PCLO: variants seen among roughly 807,000 people sequenced by gnomAD.
PCLO encodes protein piccolo.
Under a neutral mutation model 427.5 loss-of-function variants are expected in PCLO, and 82 were observed. That is an observed-to-expected ratio of 0.19 (90% CI 0.16 to 0.23). PCLO has a LOEUF of 0.23. PCLO is among the 10% of genes least tolerant of loss of function. The pLI is 1.00. For synonymous variants in PCLO, 2,357 were observed against 2,155.4 expected (o/e 1.09, Z -2.59); for missense variants, 6,239 against 6,115.9 (o/e 1.02, Z -0.67).
chr7:82,820,829 G>C, intron 20 of PCLO: 1 of 1,230,920 alleles, frequency 8.1e-7, no homozygotes, highest in Non-Finnish European at 1.0e-6. Flanking sequence ...TAGGTTAGTA[G>C]CATGCATTCC....
At chr7:83,079,477 A>G (rs1790040814) in intron 3 of PCLO, among the ~76,000 whole-genome samples, 1 of 151,160 alleles carries the variant, frequency 6.6e-6, no homozygotes, top group African/African-American at 2.4e-5. Context: ...GAAAAGAAAA[A>G]CTCTTCTTTC....
rs754278837 is a variant in PCLO, at chr7:82,915,983, A to C, written c.12003T>G (p.His4001Gln). 1 of 1,612,866 alleles carries C rather than the reference A, an allele frequency of 6.2e-7. No homozygotes were observed. Among genetic ancestry groups the C allele is most frequent in the South Asian group, 1.1e-5 (1 of 91,086 alleles). The change falls in exon 7 of 25, where the codon CAT becomes CAG. Residue 4001 changes from histidine to glutamine, a missense_variant. Coordinates refer to ENST00000333891, the MANE Select transcript of PCLO (RefSeq NM_033026.6). ...VSTDNTFAVS[H>Q]LGSKYNSLDL... ...CTAAACTATTGTACTTACTACCAAG[A>C]TGGGAAACAGCAAATGTGTTATCCG...
chr7:82,948,991 G>A lies in PCLO; in HGVS notation c.11112+485C>T, dbSNP rs967323922. 1.6e-4 allele frequency among the ~76,000 whole-genome samples: 24 copies of A among 152,228 alleles called. No individual in the cohort carries two copies. In the East Asian group the frequency reaches 4.6e-3, roughly 29 times the overall value. On this transcript the variant is annotated intron_variant, in intron 6 of 24. Coordinates refer to ENST00000333891, the MANE Select transcript of PCLO (RefSeq NM_033026.6). ...ATTCTGGCTGGAAGAAGAGGATACT[G>A]ACCAGATAATTTCTAAGGGCTTTCC... is the stretch of plus-strand genomic sequence containing the variant.
chr7:83,140,757 C>T (rs964322594), intron 2 of PCLO, among the ~76,000 whole-genome samples: 2 of 152,140 alleles, frequency 1.3e-5, no homozygotes, highest in Non-Finnish European at 2.9e-5. Context: ...TGAAGAGTCT[C>T]TCACAATTAC....
At chr7:83,153,104 T>C (rs1034416895) in intron 2 of PCLO, among the ~76,000 whole-genome samples, 2 of 151,684 alleles carry the variant, frequency 1.3e-5, no homozygotes, top group African/African-American at 4.8e-5. Context: ...TTCACATTCC[T>C]ATAAGGAGAG....
chr7:83,151,403 T>G (rs867213412), intron 2 of PCLO, among the ~76,000 whole-genome samples: 1 of 147,916 alleles, frequency 6.8e-6, no homozygotes, highest in Non-Finnish European at 1.5e-5. Flanking sequence ...AAGCACTTCA[T>G]GTATCTAAAA....
At position 82,956,638 on chromosome 7, in the gene PCLO, G is replaced by T; in HGVS notation, c.4315C>A (p.His1439Asn). The T allele has an allele frequency of 6.2e-7, 1 of 1,613,818 alleles. No homozygotes were observed. The highest frequency in any genetic ancestry group is 2.2e-5 in the East Asian group (1 of 44,844). ...TTAGGCTGTTCAGGAGAAACTTCAT[G>T]GGGTTGTGTTTTCTTTTCTGACTTT... ...DEKSEKKTQP[H>N]EVSPEQPKDQ... Residue 1439 changes from histidine to asparagine, a missense_variant, in exon 5 of 25, where the codon CAT becomes AAT. His to Asn is a moderately conservative substitution (Grantham distance 68). Transcript: ENST00000333891.
At chr7:83,079,340 G>A (rs1790036657) in intron 3 of PCLO, among the ~76,000 whole-genome samples, 1 of 151,746 alleles carries the variant, frequency 6.6e-6, no homozygotes, top group African/African-American at 2.4e-5. Context: ...TTCTAAACCG[G>A]GTCAACTGAA....
chr7:83,086,283 G>C (rs1414405487), intron 3 of PCLO, among the ~76,000 whole-genome samples: 2 of 151,928 alleles, frequency 1.3e-5, no homozygotes, highest in African/African-American at 4.8e-5. Context: ...GCTAATTTTT[G>C]TATTTTTAGT....
At chr7:82,828,193 A>C (rs1434556180) in intron 16 of PCLO, among the ~76,000 whole-genome samples, 1 of 151,808 alleles carries the variant, frequency 6.6e-6, no homozygotes, top group African/African-American at 2.4e-5. Context: ...TTTTTTTTTA[A>C]AGAAATGCTT....
chr7:83,133,620 G>A (rs963362431), intron 3 of PCLO, among the ~76,000 whole-genome samples: 1 of 151,874 alleles, frequency 6.6e-6, no homozygotes, highest in Non-Finnish European at 1.5e-5. Flanking sequence ...TCCTAGTAAA[G>A]TGCCATATCA....
intron 9 of PCLO, among the ~76,000 whole-genome samples, chr7:82,893,479 G>A (rs995952645): frequency 8.6e-5 from 13 of 151,862 alleles, no homozygotes; most frequent in African/African-American, 2.7e-4. Flanking sequence ...TGTTAATGAC[G>A]AGTTAATGGG....
intron 6 of PCLO, among the ~76,000 whole-genome samples, chr7:82,941,697 G>T (rs1338175071): frequency 6.6e-6 from 1 of 152,114 alleles, no homozygotes; most frequent in Admixed American, 6.5e-5. Flanking sequence ...AATATTAAAT[G>T]TTAAGAAAGT....
intron 10 of PCLO, among the ~76,000 whole-genome samples, chr7:82,856,841 G>T (rs561358087): frequency 4.6e-5 from 7 of 152,180 alleles, no homozygotes; most frequent in African/African-American, 1.7e-4. Context: ...CAATGTTATG[G>T]TATTGGGGGG....
intron 8 of PCLO, among the ~76,000 whole-genome samples, chr7:82,905,984 C>T (rs1033910821): frequency 9.3e-5 from 14 of 150,490 alleles, no homozygotes; most frequent in African/African-American, 2.4e-4. Context: ...GAATTTCTAC[C>T]GAAGAAGGCA....
chr7:82,838,846 C>G (rs1040338177), intron 14 of PCLO, among the ~76,000 whole-genome samples: 1 of 151,874 alleles, frequency 6.6e-6, no homozygotes, highest in Non-Finnish European at 1.5e-5. Flanking sequence ...CAGATTATTA[C>G]TTTTTAATGT....
intron 2 of PCLO, among the ~76,000 whole-genome samples, chr7:83,148,380 A>G (rs1054742415): frequency 6.6e-6 from 1 of 152,134 alleles, no homozygotes; most frequent in African/African-American, 2.4e-5. Context: ...CTGTCTCACC[A>G]TATGTTTTAT....
intron 6 of PCLO, among the ~76,000 whole-genome samples, chr7:82,935,416 G>C (rs1028538636): frequency 6.6e-6 from 1 of 150,722 alleles, no homozygotes; most frequent in South Asian, 2.1e-4. Context: ...AGTTTGCTTG[G>C]ATATAGGAAA....
chr7:82,843,462 G>T (rs1261496596), intron 13 of PCLO, among the ~76,000 whole-genome samples: 1 of 151,920 alleles, frequency 6.6e-6, no homozygotes, highest in Non-Finnish European at 1.5e-5. Flanking sequence ...GAAGTCAAAA[G>T]CTCTGTTATA....
Sources: gnomAD v4.1 joint callset for allele counts (sites outside exome capture counted in the v4.1 genomes callset) on GRCh38, gnomAD v4.1.1 for gene constraint, MANE v1.5 for transcripts, NCBI Gene and HGNC (gene_info 2026-07-23, HGNC 2026-07-21) for gene names.